Variants in KHDRBS2 observed in about 807,000 individuals in gnomAD.
KHDRBS2 encodes KH domain-containing, RNA-binding, signal transduction-associated protein 2.
Under a neutral mutation model 44.3 loss-of-function variants are expected in KHDRBS2, and 26 were observed. That is an observed-to-expected ratio of 0.59 (90% CI 0.43 to 0.81). KHDRBS2 has a LOEUF of 0.81. Among genes scored for constraint, KHDRBS2 ranks in the 40% least tolerant of loss-of-function variants. KHDRBS2 has a pLI of 0.00. For synonymous variants in KHDRBS2, 194 were observed against 151.1 expected (o/e 1.28, Z -2.08); for missense variants, 476 against 433.1 (o/e 1.10, Z -0.88).
intron 3 of KHDRBS2, among the ~76,000 whole-genome samples, chr6:62,044,522 G>T (rs1787250317): frequency 6.6e-6 from 1 of 151,728 alleles, no homozygotes; most frequent in African/African-American, 2.4e-5. Context: ...GAAAGAAAAA[G>T]AAAAAAGACA....
chr6:61,629,712 A>G, the KHDRBS2 span, among the ~76,000 whole-genome samples: 1 of 152,220 alleles, frequency 6.6e-6, no homozygotes, highest in African/African-American at 2.4e-5. Flanking sequence ...AATACTATTG[A>G]AAAACTATAA....
At chr6:61,864,733 A>T (rs1583230238) in intron 6 of KHDRBS2, among the ~76,000 whole-genome samples, 1 of 151,966 alleles carries the variant, frequency 6.6e-6, no homozygotes, top group African/African-American at 2.4e-5. Flanking sequence ...TCTGATGATG[A>T]TGTGTCTTGG....
the KHDRBS2 span, among the ~76,000 whole-genome samples, chr6:61,595,219 G>A: frequency 2.0e-5 from 3 of 152,048 alleles, no homozygotes; most frequent in African/African-American, 7.2e-5. Context: ...CCATTGCTAG[G>A]TATCTATAAA....
At chr6:61,570,340 G>T in the KHDRBS2 span, among the ~76,000 whole-genome samples, 1 of 151,878 alleles carries the variant, frequency 6.6e-6, no homozygotes, top group East Asian at 1.9e-4. Context: ...CAAAGACAAG[G>T]TTTTTAAATT....
chr6:61,779,608 T>C (rs1164301691), intron 6 of KHDRBS2, among the ~76,000 whole-genome samples: 1 of 151,812 alleles, frequency 6.6e-6, no homozygotes. Flanking sequence ...AAATGCTTTA[T>C]TTTTTGAACC....
At chr6:62,226,063 T>C (rs1831751510) in intron 1 of KHDRBS2, among the ~76,000 whole-genome samples, 2 of 152,232 alleles carry the variant, frequency 1.3e-5, no homozygotes, top group African/African-American at 2.4e-5. Context: ...AGTAATGGGA[T>C]GGCTGGGTCA....
chr6:61,854,763 A>C (rs1226753743), intron 6 of KHDRBS2, among the ~76,000 whole-genome samples: 1 of 152,218 alleles, frequency 6.6e-6, no homozygotes, highest in East Asian at 1.9e-4. Flanking sequence ...TTACAGAGGA[A>C]ACAAAATTTG....
At chr6:61,743,850 A>G (rs973972392) in intron 6 of KHDRBS2, among the ~76,000 whole-genome samples, 8 of 141,296 alleles carry the variant, frequency 5.7e-5, no homozygotes, top group Non-Finnish European at 1.5e-5. Flanking sequence ...TCATTGTTCA[A>G]TTCCCACCTA....
At chr6:62,202,882 G>A (rs570011591) in intron 1 of KHDRBS2, among the ~76,000 whole-genome samples, 1 of 152,192 alleles carries the variant, frequency 6.6e-6, no homozygotes, top group South Asian at 2.1e-4. Flanking sequence ...TTTATTCCAG[G>A]AAGTAAAAAC....
intron 3 of KHDRBS2, among the ~76,000 whole-genome samples, chr6:62,000,580 G>C (rs1038121631): frequency 6.6e-6 from 1 of 152,184 alleles, no homozygotes; most frequent in African/African-American, 2.4e-5. Context: ...CAGTGTTCTT[G>C]TAAGTGGTCA....
intron 3 of KHDRBS2, among the ~76,000 whole-genome samples, chr6:61,978,621 T>C (rs1356251814): frequency 6.6e-6 from 1 of 152,054 alleles, no homozygotes; most frequent in African/African-American, 2.4e-5. Context: ...TTAAGAAAAC[T>C]AAAACTTTCT....
chr6:61,846,127 T>A (rs74374715), intron 6 of KHDRBS2, among the ~76,000 whole-genome samples: 1 of 152,206 alleles, frequency 6.6e-6, no homozygotes. Context: ...CAAGAGCAGA[T>A]GATCCTATGC....
chr6:61,749,284 A>T (rs1777323890), intron 6 of KHDRBS2, among the ~76,000 whole-genome samples: 1 of 152,008 alleles, frequency 6.6e-6, no homozygotes, highest in Non-Finnish European at 1.5e-5. Context: ...AAGTGCTGGG[A>T]TTACAGGCGT....
intron 6 of KHDRBS2, among the ~76,000 whole-genome samples, chr6:61,889,727 G>A (rs144350048): frequency 1.8e-3 from 269 of 152,200 alleles, no homozygotes; most frequent in African/African-American, 6.2e-3. Context: ...ATCTAATCAT[G>A]CCACTTTCCT....
intron 4 of KHDRBS2, among the ~76,000 whole-genome samples, chr6:61,922,591 A>C (rs1808264127): frequency 6.6e-6 from 1 of 152,112 alleles, no homozygotes; most frequent in Non-Finnish European, 1.5e-5. Flanking sequence ...CACTGCACTC[A>C]CAGGGAACCA....
chr6:62,282,254 A>G (rs1050233637), intron 1 of KHDRBS2, among the ~76,000 whole-genome samples: 9 of 152,166 alleles, frequency 5.9e-5, no homozygotes, highest in African/African-American at 1.9e-4. Context: ...TTAAGATCTC[A>G]TTTATATCTG....
intron 1 of KHDRBS2, among the ~76,000 whole-genome samples, chr6:62,192,533 C>T (rs189995443): frequency 5.9e-5 from 9 of 152,198 alleles, no homozygotes; most frequent in Admixed American, 1.3e-4. Flanking sequence ...AGCAGATGTG[C>T]TTGAATTTGT....
rs374838972 is a variant in KHDRBS2, at chr6:62,100,775, T to G, written c.220-52781A>C. 2.0e-3 allele frequency among the ~76,000 whole-genome samples: 311 copies of G among 152,326 alleles called. 1 individual carries two copies. Among genetic ancestry groups the G allele is most frequent in the South Asian group, 7.7e-3 (37 of 4,834 alleles). ...CTATAGTGTAGCATAAACCTAACTT[T>G]TATATGCACTGGGAAACCAGATAAT... On this transcript the variant is annotated intron_variant, in intron 2 of 8. Coordinates refer to ENST00000281156, the MANE Select transcript of KHDRBS2 (RefSeq NM_152688.4).
In KHDRBS2 at chr6:61,849,797, T is replaced by C. The variant is rs1419774499; in HGVS notation, c.810+44838A>G. 7.2e-5 allele frequency among the ~76,000 whole-genome samples: 11 copies of C among 152,260 alleles called. No individual in the cohort carries two copies. In the East Asian group the frequency reaches 1.9e-3, roughly 27 times the overall value. Reference sequence around the variant, plus strand: ...AGATCCCCTTGTGGTTCAAGGTTTATTAGAACTAATCTTAACCTTGTGGTA... The same window carrying C: ...AGATCCCCTTGTGGTTCAAGGTTTACTAGAACTAATCTTAACCTTGTGGTA... On this transcript the variant is annotated intron_variant, in intron 6 of 8. Transcript: ENST00000281156.
Sources: gnomAD v4.1 joint callset for allele counts (sites outside exome capture counted in the v4.1 genomes callset) on GRCh38, gnomAD v4.1.1 for gene constraint, MANE v1.5 for transcripts, NCBI Gene and HGNC (gene_info 2026-07-23, HGNC 2026-07-21) for gene names.